Variants in FSTL4 observed in about 807,000 individuals in gnomAD.
FSTL4 encodes follistatin-related protein 4.
A neutral mutation model predicts 78.2 loss-of-function variants in FSTL4; 28 were observed. The ratio of observed to expected loss-of-function variants is 0.36; its 90% CI spans 0.27 to 0.49. The LOEUF (loss-of-function observed/expected upper bound fraction) is 0.49. FSTL4 is among the 20% of genes least tolerant of loss of function. FSTL4 has a pLI of 0.98. For synonymous variants in FSTL4, 422 were observed against 440.5 expected (o/e 0.96, Z 0.53); for missense variants, 922 against 1,084.9 (o/e 0.85, Z 2.11).
chr5:133,357,550 C>T (rs1284779473), intron 4 of FSTL4, among the ~76,000 whole-genome samples: 1 of 152,158 alleles, frequency 6.6e-6, no homozygotes, highest in Non-Finnish European at 1.5e-5. Flanking sequence ...CTGATTTCAG[C>T]TAAGGCTTAA....
At chr5:133,625,357 T>C in the FSTL4 span, among the ~76,000 whole-genome samples, 1 of 151,752 alleles carries the variant, frequency 6.6e-6, no homozygotes. Context: ...TTATACATTT[T>C]GAAGAATTAT....
the FSTL4 span, among the ~76,000 whole-genome samples, chr5:133,648,166 G>T: frequency 1.3e-5 from 2 of 152,116 alleles, no homozygotes; most frequent in African/African-American, 4.8e-5. Flanking sequence ...GCATGGAAAT[G>T]GACTAATACA....
the FSTL4 span, among the ~76,000 whole-genome samples, chr5:133,691,437 A>G: frequency 6.6e-6 from 1 of 152,122 alleles, no homozygotes; most frequent in African/African-American, 2.4e-5. Flanking sequence ...CCAGCCCATT[A>G]TGATTACAGA....
chr5:133,814,669 G>T, the FSTL4 span, among the ~76,000 whole-genome samples: 2 of 152,196 alleles, frequency 1.3e-5, no homozygotes, highest in African/African-American at 2.4e-5. Context: ...CAGCATTAAA[G>T]GCAAGCAGTA....
At chr5:133,392,533 AG>A (rs1755875027) in intron 4 of FSTL4, among the ~76,000 whole-genome samples, 1 of 152,208 alleles carries the variant, frequency 6.6e-6, no homozygotes, top group Non-Finnish European at 1.5e-5. Flanking sequence ...AGTCAGTGGC[AG>A]GGGTAACAGG....
intron 11 of FSTL4, among the ~76,000 whole-genome samples, chr5:133,221,904 T>TGTTTTG (rs796432581): frequency 4.3e-4 from 46 of 106,198 alleles, no homozygotes; most frequent in African/African-American, 1.6e-3. Context: ...TTTTTTTTTT[T>TGTTTTG]TTTTTTTTTT....
At chr5:133,753,347 C>G in the FSTL4 span, among the ~76,000 whole-genome samples, 2 of 152,194 alleles carry the variant, frequency 1.3e-5, no homozygotes, top group Non-Finnish European at 2.9e-5. Context: ...TGTCCACTGG[C>G]AGGCATGGTT....
the FSTL4 span, among the ~76,000 whole-genome samples, chr5:133,743,500 C>G: frequency 2.6e-4 from 40 of 152,228 alleles, no homozygotes; most frequent in African/African-American, 9.2e-4. Context: ...TTCTCTGTAC[C>G]TTGGTTTCTC....
At chr5:133,214,768 C>T (rs1750853930) in intron 13 of FSTL4, among the ~76,000 whole-genome samples, 1 of 152,140 alleles carries the variant, frequency 6.6e-6, no homozygotes, top group Non-Finnish European at 1.5e-5. Flanking sequence ...CTTTGGATTT[C>T]ATTGACTCCT....
At chr5:133,614,414 C>T (rs1368486022), upstream of FSTL4, among the ~76,000 whole-genome samples, 1 of 152,238 alleles carries the variant, frequency 6.6e-6, no homozygotes, top group East Asian at 1.9e-4. Flanking sequence ...ATGGAATATT[C>T]CTTAGAGAGA....
the FSTL4 span, among the ~76,000 whole-genome samples, chr5:133,836,886 C>T: frequency 6.6e-6 from 1 of 152,034 alleles, no homozygotes; most frequent in African/African-American, 2.4e-5. Flanking sequence ...TCCTCTTGTT[C>T]CTTGATTTTC....
chr5:133,508,973 G>A (rs1342594341), intron 3 of FSTL4, among the ~76,000 whole-genome samples: 1 of 152,000 alleles, frequency 6.6e-6, no homozygotes, highest in South Asian at 2.1e-4. Context: ...ATCCTTCCTT[G>A]TTTCTCAAGG....
At chr5:133,498,998 T>TACACACACACAC (rs142906885) in intron 3 of FSTL4, among the ~76,000 whole-genome samples, 1,516 of 147,054 alleles carry the variant, frequency 0.01, 17 homozygotes, top group African/African-American at 0.036. Context: ...AGCAACAAAT[T>TACACACACACAC]ACACACACAC....
chr5:133,741,733 G>A, the FSTL4 span, among the ~76,000 whole-genome samples: 1 of 152,186 alleles, frequency 6.6e-6, no homozygotes, highest in Non-Finnish European at 1.5e-5. Context: ...ACTGTGCTGT[G>A]GCCTGAGGCA....
intron 4 of FSTL4, among the ~76,000 whole-genome samples, chr5:133,331,882 G>C (rs899422979): frequency 1.3e-5 from 2 of 152,062 alleles, no homozygotes; most frequent in Non-Finnish European, 2.9e-5. Flanking sequence ...GCTGTTCTGA[G>C]GATTATCTAC....
chr5:133,769,856 A>G, the FSTL4 span, among the ~76,000 whole-genome samples: 2 of 151,918 alleles, frequency 1.3e-5, no homozygotes, highest in African/African-American at 4.8e-5. Context: ...TCCCCTCCCA[A>G]CTTTCCCACC....
In FSTL4 at chr5:133,603,947, G is replaced by A. The variant is rs1760924179; in HGVS notation, c.37C>T (p.Leu13Phe). 1.2e-6 allele frequency: 2 copies of A among 1,613,368 alleles called. No homozygotes were observed. Among genetic ancestry groups the A allele is most frequent in the Non-Finnish European group, 1.7e-6 (2 of 1,179,266 alleles). The change falls in exon 2 of 16, where the codon CTC becomes TTC. Residue 13 changes from leucine (L) to phenylalanine (F), a missense_variant. Coordinates refer to ENST00000265342, the MANE Select transcript of FSTL4 (RefSeq NM_015082.2). Reference sequence around the variant, plus strand: ...AGCGCAGCCGGCAGGGAGGCTCCGAGCAGTGTGAGATGCAGCCAAAAGCCT... The same window carrying A: ...AGCGCAGCCGGCAGGGAGGCTCCGAACAGTGTGAGATGCAGCCAAAAGCCT... ...PGGFWLHLTL[L>F]GASLPAALGW... is the part of the protein sequence containing the mutation.
At chr5:133,324,704 T>C (rs1006625640) in intron 4 of FSTL4, among the ~76,000 whole-genome samples, 3 of 152,222 alleles carry the variant, frequency 2.0e-5, no homozygotes, top group African/African-American at 7.2e-5. Flanking sequence ...TCAGTGTCTG[T>C]TACCGGTATG....
intron 6 of FSTL4, among the ~76,000 whole-genome samples, chr5:133,307,512 T>C (rs1399524419): frequency 6.6e-6 from 1 of 152,222 alleles, no homozygotes; most frequent in Non-Finnish European, 1.5e-5. Context: ...AAACTGGACA[T>C]AGTGTACAGT....
Sources: gnomAD v4.1 joint callset for allele counts (sites outside exome capture counted in the v4.1 genomes callset) on GRCh38, gnomAD v4.1.1 for gene constraint, MANE v1.5 for transcripts, NCBI Gene and HGNC (gene_info 2026-07-23, HGNC 2026-07-21) for gene names.